The following BICRA variants were observed in gnomAD, a reference collection of about 807,000 sequenced individuals.
The protein encoded by BICRA is BRD4-interacting chromatin-remodeling complex-associated protein.
A neutral mutation model predicts 96.9 loss-of-function variants in BICRA; 31 were observed. That is an observed-to-expected ratio of 0.32 (90% CI 0.24 to 0.43). The LOEUF (loss-of-function observed/expected upper bound fraction) is 0.43, where lower values mean the gene tolerates loss of function less well. Among genes scored for constraint, BICRA ranks in the 20% least tolerant of loss-of-function variants. BICRA has a pLI of 1.00. For missense variants in BICRA, 2,283 were observed against 2,190.3 expected (o/e 1.04, Z -0.84); for synonymous variants, 1,350 against 1,071.8 (o/e 1.26, Z -5.07).
intron 2 of BICRA, among the ~76,000 whole-genome samples, chr19:47,672,071 GGGTGGATGGATGGAGGGATC>G (rs1342848823): frequency 6.7e-6 from 1 of 149,888 alleles, no homozygotes; most frequent in African/African-American, 2.5e-5. Context: ...ATGGAGGGAT[GGGTGGATGGATGGAGGGATC>G]GGTAGGTAGA....
intron 7 of BICRA, among the ~76,000 whole-genome samples, chr19:47,690,656 C>A (rs1199775134): frequency 6.6e-6 from 1 of 152,036 alleles, no homozygotes; most frequent in Non-Finnish European, 1.5e-5. Flanking sequence ...CTGATCATAT[C>A]CTTTGCCCCT....
chr19:47,672,047 AGATG>A (rs1328912028), intron 2 of BICRA, among the ~76,000 whole-genome samples: 3 of 139,914 alleles, frequency 2.1e-5, no homozygotes, highest in East Asian at 2.3e-4. Context: ...ATGGGTGGGT[AGATG>A]GATGGAAGGA....
At chr19:47,648,674 T>TG (rs1972498242) in intron 1 of BICRA, among the ~76,000 whole-genome samples, 1 of 149,718 alleles carries the variant, frequency 6.7e-6, no homozygotes, top group Non-Finnish European at 1.5e-5. Context: ...GAGTTTTTTT[T>TG]TTTTGTTTGT....
chr19:47,613,471 A>G (rs771080301), intron 1 of BICRA, among the ~76,000 whole-genome samples: 11 of 152,090 alleles, frequency 7.2e-5, no homozygotes, highest in Non-Finnish European at 1.3e-4. Flanking sequence ...GGTGGGGAGT[A>G]TGGTTATCTT....
chr19:47,639,538 C>G (rs1972352801), intron 1 of BICRA, among the ~76,000 whole-genome samples: 1 of 151,060 alleles, frequency 6.6e-6, no homozygotes, highest in Admixed American at 6.6e-5. Flanking sequence ...ACCGTGTTAG[C>G]TAGGATGGTC....
At chr19:47,625,646 AG>A (rs2123515978) in intron 1 of BICRA, among the ~76,000 whole-genome samples, 1 of 152,230 alleles carries the variant, frequency 6.6e-6, no homozygotes, top group Admixed American at 6.6e-5. Flanking sequence ...TTGGAGGCTT[AG>A]GAGAGAAAAG....
chr19:47,646,105 A>C (rs946479834), intron 1 of BICRA, among the ~76,000 whole-genome samples: 3 of 152,204 alleles, frequency 2.0e-5, no homozygotes, highest in Non-Finnish European at 2.9e-5. Context: ...CTCCAAAAAA[A>C]GAAAAACGTA....
At chr19:47,638,342 T>C (rs1972331694) in intron 1 of BICRA, among the ~76,000 whole-genome samples, 1 of 152,196 alleles carries the variant, frequency 6.6e-6, no homozygotes, top group South Asian at 2.1e-4. Flanking sequence ...GGGCCAAGCC[T>C]GGGAAACAGC....
At chr19:47,692,812 C>G (rs1568575637) in intron 7 of BICRA, among the ~76,000 whole-genome samples, 1 of 152,228 alleles carries the variant, frequency 6.6e-6, no homozygotes. Flanking sequence ...GGTGGTGAAT[C>G]TGATGTCATG....
At position 47,701,829 on chromosome 19, in the gene BICRA, C is replaced by G. The variant is rs766085293; in HGVS notation, c.4097C>G (p.Pro1366Arg). 6.6e-7 allele frequency: 1 copy of G among 1,524,028 alleles called. No homozygotes were observed. Among genetic ancestry groups the G allele is most frequent in the Non-Finnish European group, 8.8e-7 (1 of 1,139,604 alleles). 94.4% of individuals were successfully genotyped at this position (1,524,028 alleles called of 1,614,324 possible). ...CAGATGAACGGCACGGTGGACCACC[C>G]GCCGCCTGCCGCCCCCGAGCGCAAG... is the stretch of plus-strand genomic sequence containing the variant. ...TGQMNGTVDH[P>R]PPAAPERKPL... is the part of the protein sequence containing the mutation. The change falls in exon 15 of 15, where the codon CCG becomes CGG. Residue 1366 changes from proline to arginine, a missense_variant. By Grantham distance (103) the Pro-to-Arg change is moderately radical. Coordinates refer to ENST00000594866, the MANE Select transcript of BICRA (RefSeq NM_001394372.1). This position sits in a 1 kb window ranked among gnomAD's most constrained non-coding sequence, Gnocchi z 5.4.
At chr19:47,682,379 G>A (rs1372845334) in intron 7 of BICRA, among the ~76,000 whole-genome samples, 1 of 152,188 alleles carries the variant, frequency 6.6e-6, no homozygotes, top group African/African-American at 2.4e-5. Flanking sequence ...ACACACGGAA[G>A]GAAATCTGTT....
At chr19:47,686,710 C>G (rs1418250091) in intron 7 of BICRA, among the ~76,000 whole-genome samples, 2 of 152,178 alleles carry the variant, frequency 1.3e-5, no homozygotes, top group Non-Finnish European at 2.9e-5. Flanking sequence ...AGTGCTGGTT[C>G]CAACTCCCTA....
In BICRA at chr19:47,646,452, C is replaced by T. The variant is rs532460357; in HGVS notation, c.-107-23991C>T. ...ACATGCACACAGACACACGTGTGCG[C>T]GCACACACACACGGCTGAAACACCA... On this transcript the variant is annotated intron_variant, in intron 1 of 14. Coordinates refer to ENST00000594866, the MANE Select transcript of BICRA (RefSeq NM_001394372.1). Among the ~76,000 whole-genome samples the T allele has an allele frequency of 3.9e-5, 6 of 152,312 alleles. No individual in the cohort carries two copies. In the East Asian group the frequency reaches 5.8e-4, roughly 15 times the overall value.
In BICRA at chr19:47,679,438, G is replaced by A. The variant is rs556580334; in HGVS notation, c.268G>A (p.Gly90Ser). ...DILGSPATGG[G>S]GGGSGGADQP... ...CCTGGGCTCTCCTGCGACAGGGGGCGGCGGCGGGGGCAGTGGGGGCGCTGA... is the reference window on the plus strand; with the variant it reads ...CCTGGGCTCTCCTGCGACAGGGGGCAGCGGCGGGGGCAGTGGGGGCGCTGA... The change falls in exon 6 of 15, where the codon GGC (glycine) becomes AGC (serine). Residue 90 changes from glycine to serine, a missense_variant. Gly to Ser is a moderately conservative substitution (Grantham distance 56, BLOSUM62 0). Transcript: ENST00000594866. The A allele has an allele frequency of 7.0e-5, 105 of 1,493,678 alleles. No individual in the cohort carries two copies. The African/African-American group carries it at 1.1e-3, about 15-fold the overall frequency. 92.5% of individuals were successfully genotyped at this position (1,493,678 alleles called of 1,614,324 possible).
intron 1 of BICRA, among the ~76,000 whole-genome samples, chr19:47,656,270 G>A (rs762773009): frequency 2.0e-5 from 3 of 152,138 alleles, no homozygotes; most frequent in Non-Finnish European, 1.5e-5. Context: ...AAAACAACGA[G>A]AAGGCTGTGA....
intron 1 of BICRA, among the ~76,000 whole-genome samples, chr19:47,626,734 T>C (rs1487238149): frequency 6.8e-6 from 1 of 146,098 alleles, no homozygotes; most frequent in Non-Finnish European, 1.5e-5. Context: ...TTTTTTTTTT[T>C]TTTCTGAGAC....
chr19:47,646,943 T>C (rs534937365), intron 1 of BICRA, among the ~76,000 whole-genome samples: 1 of 152,268 alleles, frequency 6.6e-6, no homozygotes, highest in African/African-American at 2.4e-5. Flanking sequence ...TTAGCCATCA[T>C]CCCCACTCCT....
intron 14 of BICRA, chr19:47,700,927 T>G: frequency 1.4e-5 from 3 of 221,182 alleles, no homozygotes; most frequent in Non-Finnish European, 2.6e-5. Flanking sequence ...GAACTTCATA[T>G]TTTATTTATT....
At chr19:47,692,645 G>A (rs528480442) in intron 7 of BICRA, among the ~76,000 whole-genome samples, 2 of 152,300 alleles carry the variant, frequency 1.3e-5, no homozygotes, top group South Asian at 2.1e-4. Context: ...CGTACACAGC[G>A]CCAAGGACTG....
Sources: gnomAD v4.1 joint callset for allele counts (sites outside exome capture counted in the v4.1 genomes callset) on GRCh38, gnomAD v4.1.1 for gene constraint, Gnocchi (gnomAD v3.1) non-coding constraint, MANE v1.5 for transcripts, NCBI Gene and HGNC (gene_info 2026-07-23, HGNC 2026-07-21) for gene names.